Variants in LRRC4C observed in about 807,000 individuals in gnomAD.
LRRC4C encodes leucine rich repeat containing 4C, also known as leucine-rich repeat-containing protein 4C.
Under a neutral mutation model 33.6 loss-of-function variants are expected in LRRC4C, and 5 were observed. The ratio of observed to expected loss-of-function variants is 0.15; its 90% CI spans 0.08 to 0.31. The LOEUF is 0.31. Among genes scored for constraint, LRRC4C ranks in the 10% least tolerant of loss-of-function variants. The pLI, the probability that LRRC4C is intolerant of heterozygous loss-of-function variation, is 1.00. For synonymous variants in LRRC4C, 329 were observed against 302.0 expected (o/e 1.09, Z -0.93); for missense variants, 560 against 796.7 (o/e 0.70, Z 3.58).
intron 2 of LRRC4C, among the ~76,000 whole-genome samples, chr11:40,920,801 C>T (rs903989084): frequency 1.3e-5 from 2 of 152,054 alleles, no homozygotes; most frequent in Non-Finnish European, 2.9e-5. Context: ...TACCTTGAAT[C>T]GTTACATTCT....
At chr11:40,431,526 C>T (rs1418713411) in intron 3 of LRRC4C, among the ~76,000 whole-genome samples, 1 of 151,918 alleles carries the variant, frequency 6.6e-6, no homozygotes, top group African/African-American at 2.4e-5. Flanking sequence ...TTCTCTTTTC[C>T]CATGCCTACC....
chr11:40,618,372 G>A (rs185610300), intron 3 of LRRC4C, among the ~76,000 whole-genome samples: 1 of 151,514 alleles, frequency 6.6e-6, no homozygotes, highest in South Asian at 2.1e-4. Flanking sequence ...TAGGAGAAAG[G>A]CATGGGACAT....
chr11:40,696,748 G>GTATGTATATATATATATCTGAGTA (rs1555147676), intron 2 of LRRC4C, among the ~76,000 whole-genome samples: 1 of 125,894 alleles, frequency 7.9e-6, no homozygotes, highest in Non-Finnish European at 1.6e-5. Context: ...TATACACTGT[G>GTATGTATATATATATATCTGAGTA]TATATATATA....
intron 1 of LRRC4C, among the ~76,000 whole-genome samples, chr11:40,938,484 T>TA (rs1230988797): frequency 6.6e-6 from 1 of 152,142 alleles, no homozygotes; most frequent in Non-Finnish European, 1.5e-5. Flanking sequence ...GTTGAACACA[T>TA]ACTATGTGTC....
At chr11:41,254,886 G>A (rs1296390847) in intron 1 of LRRC4C, among the ~76,000 whole-genome samples, 1 of 152,032 alleles carries the variant, frequency 6.6e-6, no homozygotes, top group Admixed American at 6.6e-5. Flanking sequence ...CTGCCAAATA[G>A]AATATATCAA....
intron 3 of LRRC4C, among the ~76,000 whole-genome samples, chr11:40,465,926 A>G (rs1952629675): frequency 6.6e-6 from 1 of 152,060 alleles, no homozygotes; most frequent in Admixed American, 6.6e-5. Flanking sequence ...GCTATTGGGT[A>G]TCTACCCAAA....
chr11:40,543,592 A>G (rs530729718), intron 3 of LRRC4C, among the ~76,000 whole-genome samples: 1 of 152,118 alleles, frequency 6.6e-6, no homozygotes, highest in Admixed American at 6.6e-5. Flanking sequence ...AGGCAGCTGG[A>G]TGGCAAACAA....
chr11:41,007,629 A>G (rs1592320756), intron 1 of LRRC4C, among the ~76,000 whole-genome samples: 1 of 152,294 alleles, frequency 6.6e-6, no homozygotes, highest in East Asian at 1.9e-4. Flanking sequence ...AGGCAAATCC[A>G]TGATGTCATT....
At chr11:41,344,164 G>A (rs557276514) in intron 1 of LRRC4C, among the ~76,000 whole-genome samples, 19 of 150,726 alleles carry the variant, frequency 1.3e-4, no homozygotes, top group African/African-American at 4.1e-4. Flanking sequence ...CATGTCTTCC[G>A]CTTCCAGAGC....
intron 2 of LRRC4C, among the ~76,000 whole-genome samples, chr11:40,860,243 A>C (rs1362455924): frequency 6.6e-6 from 1 of 152,144 alleles, no homozygotes; most frequent in East Asian, 1.9e-4. Context: ...GACAGACAGC[A>C]GATTGGTGTT....
intron 2 of LRRC4C, among the ~76,000 whole-genome samples, chr11:40,667,452 C>G (rs555265216): frequency 1.2e-4 from 18 of 152,288 alleles, no homozygotes; most frequent in Admixed American, 1.2e-3. Context: ...ATAATCCACT[C>G]CTCTTGAATG....
chr11:40,638,108 C>CT lies in LRRC4C; in HGVS notation c.-270+10033dup, dbSNP rs1428263094. ...ATTGCAATGCACTCCCATGCAAGCA[C>CT]TACCTGTTCCTTACCTACTTTATAT... On this transcript the variant is annotated intron_variant, in intron 3 of 6. Coordinates refer to ENST00000528697, the MANE Select transcript of LRRC4C (RefSeq NM_001258419.2). Among the ~76,000 whole-genome samples, 3 of 152,344 alleles carry CT rather than the reference C, an allele frequency of 2.0e-5. No homozygotes were observed. In the East Asian group the frequency reaches 5.8e-4, roughly 29 times the overall value.
At position 40,402,777 on chromosome 11, in the gene LRRC4C, CAT is replaced by C. The variant is rs1225916196; in HGVS notation, c.-269-83058_-269-83057del. On this transcript the variant is annotated intron_variant, in intron 3 of 6. Coordinates refer to ENST00000528697, the MANE Select transcript of LRRC4C (RefSeq NM_001258419.2). ...AGAATTTAATACTGCATGATCTTCACATGTTTTTTCATCCTCATGAAATCCTT... is the reference window on the plus strand; with the variant it reads ...AGAATTTAATACTGCATGATCTTCACGTTTTTTCATCCTCATGAAATCCTT... 6.6e-5 allele frequency among the ~76,000 whole-genome samples: 10 copies of C among 152,232 alleles called. No individual in the cohort carries two copies. In the Middle Eastern group the frequency reaches 0.01, roughly 155 times the overall value.
chr11:40,514,460 A>G (rs1221416389), intron 3 of LRRC4C, among the ~76,000 whole-genome samples: 1 of 152,116 alleles, frequency 6.6e-6, no homozygotes, highest in Non-Finnish European at 1.5e-5. Flanking sequence ...GCATATAAAC[A>G]TATCATTTTC....
chr11:40,546,923 C>T (rs997918634), intron 3 of LRRC4C, among the ~76,000 whole-genome samples: 1 of 152,138 alleles, frequency 6.6e-6, no homozygotes, highest in Non-Finnish European at 1.5e-5. Flanking sequence ...ATATACTATG[C>T]AGCCTGTGCC....
intron 1 of LRRC4C, among the ~76,000 whole-genome samples, chr11:41,135,836 T>C (rs1309450822): frequency 6.6e-6 from 1 of 152,186 alleles, no homozygotes; most frequent in Non-Finnish European, 1.5e-5. Flanking sequence ...ACTCCAGAGA[T>C]AGGACCATTT....
chr11:40,560,565 T>G (rs569311100), intron 3 of LRRC4C, among the ~76,000 whole-genome samples: 1 of 152,162 alleles, frequency 6.6e-6, no homozygotes, highest in Non-Finnish European at 1.5e-5. Context: ...GAAATGCAAC[T>G]GGGAAACTTA....
chr11:40,567,271 C>T (rs1488535340), intron 3 of LRRC4C, among the ~76,000 whole-genome samples: 1 of 151,870 alleles, frequency 6.6e-6, no homozygotes, highest in Admixed American at 6.6e-5. Context: ...TTGGTAATCA[C>T]ATTTTTTTAA....
intron 2 of LRRC4C, among the ~76,000 whole-genome samples, chr11:40,834,488 T>G (rs947386053): frequency 1.9e-4 from 28 of 148,150 alleles, no homozygotes; most frequent in African/African-American, 6.7e-4. Flanking sequence ...AAAAAAAAAG[T>G]AACGTATTTT....
Sources: gnomAD v4.1 joint callset for allele counts (sites outside exome capture counted in the v4.1 genomes callset) on GRCh38, gnomAD v4.1.1 for gene constraint, MANE v1.5 for transcripts, NCBI Gene and HGNC (gene_info 2026-07-23, HGNC 2026-07-21) for gene names.